MYO1H: variants seen among roughly 807,000 people sequenced by gnomAD.
MYO1H encodes the protein myosin IH.
Under a neutral mutation model 149.3 loss-of-function variants are expected in MYO1H, and 118 were observed. The observed-to-expected ratio is 0.79, with a 90% CI of 0.68 to 0.92. The LOEUF is 0.92. Ranked by LOEUF, MYO1H falls within the 40% of genes least tolerant of loss-of-function variation. MYO1H has a pLI of 0.00. For missense variants in MYO1H, 1,212 were observed against 1,280.7 expected (o/e 0.95, Z 0.82); for synonymous variants, 447 against 465.2 (o/e 0.96, Z 0.50).
chr12:109,372,127 T>C (rs1340189529), intron 1 of MYO1H, among the ~76,000 whole-genome samples: 2 of 152,188 alleles, frequency 1.3e-5, no homozygotes, highest in Non-Finnish European at 2.9e-5. Context: ...TAATGTTTTT[T>C]TCTAGGGAGA....
At chr12:109,318,960 GTTTT>G in the MYO1H span, among the ~76,000 whole-genome samples, 6 of 77,938 alleles carry the variant, frequency 7.7e-5, no homozygotes, top group East Asian at 2.3e-3. Context: ...AACTCTCTGC[GTTTT>G]TGGTTTTGTT....
At chr12:109,310,786 C>T in the MYO1H span, among the ~76,000 whole-genome samples, 1 of 152,152 alleles carries the variant, frequency 6.6e-6, no homozygotes, top group African/African-American at 2.4e-5. Context: ...TCTTCTCTGC[C>T]AGGAGTAAAT....
At position 109,443,262 on chromosome 12, in the gene MYO1H, GTA is replaced by G. The variant is rs34116861; in HGVS notation, c.2689-248_2689-247del. Reference sequence around the variant, plus strand: ...CGTATATGTGTGTGTATATGTGTACGTATATGTGTGTGTATATGTGTACGTAT... The same window carrying G: ...CGTATATGTGTGTGTATATGTGTACGTATGTGTGTGTATATGTGTACGTAT... On this transcript the variant is annotated intron_variant, in intron 27 of 31. Transcript: ENST00000310903. Among the ~76,000 whole-genome samples, 25 of 69,372 alleles carry G rather than the reference GTA, an allele frequency of 3.6e-4. 8 individuals are homozygous for G. Among genetic ancestry groups the G allele is most frequent in the South Asian group, 1.6e-3 (4 of 2,454 alleles). 45.5% of individuals were successfully genotyped at this position (69,372 alleles called of 152,430 possible). A position where few individuals can be genotyped will look rare whatever the true frequency, so the allele number is the denominator to read the frequency against.
chr12:109,414,772 AT>A (rs1223253153), intron 14 of MYO1H, among the ~76,000 whole-genome samples: 10 of 152,096 alleles, frequency 6.6e-5, no homozygotes, highest in African/African-American at 2.4e-4. Flanking sequence ...TAGTGGTATA[AT>A]TATAGCTCAC....
chr12:109,436,657 C>T (rs966901017), intron 22 of MYO1H, 101 bp downstream of exon 22: 2 of 768,308 alleles, frequency 2.6e-6, no homozygotes, highest in Admixed American at 4.6e-5. Context: ...TCCTTAAAAC[C>T]TTGTGTGGTG....
intron 5 of MYO1H, among the ~76,000 whole-genome samples, chr12:109,400,086 A>G (rs1338266098): frequency 6.6e-6 from 1 of 152,066 alleles, no homozygotes; most frequent in African/African-American, 2.4e-5. Context: ...CTTTCAATCA[A>G]CGTATCTGTC....
rs774018605 is a variant in MYO1H at position 109,444,450 on chromosome 12, TGTGGACACGTG to T, written c.2915_2925del (p.Cys972PhefsTer2). The stretch of plus-strand genomic sequence containing the variant: ...ACCCCAGGGGGATGCCGTTTTGCAG[TGTGGACACGTG>T]TTTGAAGCAGTTACTAAACTCGTCA... On this transcript the variant is annotated frameshift_variant, in exon 30 of 32. Transcript: ENST00000310903. LOFTEE classifies it high-confidence loss of function. The T allele has an allele frequency of 1.2e-5, 19 of 1,613,876 alleles. No individual in the cohort carries two copies. In the East Asian group the frequency reaches 3.8e-4, roughly 32 times the overall value.
the MYO1H span, among the ~76,000 whole-genome samples, chr12:109,315,227 AG>A: frequency 6.6e-6 from 1 of 152,218 alleles, no homozygotes; most frequent in Non-Finnish European, 1.5e-5. Context: ...ATCAAGGAAA[AG>A]CTGTCTTGCC....
At chr12:109,426,985 A>T (rs1389579371) in intron 18 of MYO1H, among the ~76,000 whole-genome samples, 1 of 152,132 alleles carries the variant, frequency 6.6e-6, no homozygotes, top group Non-Finnish European at 1.5e-5. Context: ...AGGAACCAGA[A>T]ATTTAATTTT....
the MYO1H span, among the ~76,000 whole-genome samples, chr12:109,323,229 C>T: frequency 5.9e-5 from 9 of 152,300 alleles, no homozygotes; most frequent in South Asian, 1.7e-3. Context: ...GGTTTTTATC[C>T]TAGATCTTTT....
At chr12:109,315,421 T>C in the MYO1H span, among the ~76,000 whole-genome samples, 1 of 152,236 alleles carries the variant, frequency 6.6e-6, no homozygotes, top group Non-Finnish European at 1.5e-5. Flanking sequence ...TTCTGTATTC[T>C]ATTTTCTTTG....
At chr12:109,446,246 T>C (rs1300779000) in intron 31 of MYO1H, 1 of 985,340 alleles carries the variant, frequency 1.0e-6, no homozygotes, top group African/African-American at 1.7e-5. Context: ...TCCCTGACTG[T>C]GCCCATGCTG....
chr12:109,446,182 G>T, intron 31 of MYO1H: 1 of 985,178 alleles, frequency 1.0e-6, no homozygotes, highest in Non-Finnish European at 1.2e-6. Flanking sequence ...AGAGGTTTGG[G>T]AACCATGGCT....
chr12:109,442,124 C>A, intron 26 of MYO1H, 93 bp from the exon 27 acceptor site: 1 of 1,029,158 alleles, frequency 9.7e-7, no homozygotes, highest in South Asian at 1.3e-5. Flanking sequence ...GATCTTAGCA[C>A]AGAGATGCAT....
At chr12:109,319,881 C>T in the MYO1H span, among the ~76,000 whole-genome samples, 2 of 152,156 alleles carry the variant, frequency 1.3e-5, no homozygotes, top group African/African-American at 4.8e-5. Context: ...AGCTTAGAAC[C>T]ACTGGCCTTA....
At chr12:109,424,856 T>C (rs1312501882) in intron 17 of MYO1H, 28 bp downstream of exon 17, 3 of 1,595,896 alleles carry the variant, frequency 1.9e-6, no homozygotes, top group Non-Finnish European at 2.6e-6. Flanking sequence ...CCATGCAAAA[T>C]TGGATCTCAC....
rs200552365 is a variant in MYO1H, at chr12:109,439,662, C to A, written c.2326C>A (p.Pro776Thr). 10 of 1,613,366 alleles carry A rather than the reference C, an allele frequency of 6.2e-6. No homozygotes were observed. The highest frequency in any genetic ancestry group is 8.5e-6 in the Non-Finnish European group (10 of 1,179,656). The change falls in exon 24 of 32, where the codon CCC becomes ACC. Residue 776 changes from proline (P) to threonine (T), a missense_variant. Coordinates refer to ENST00000310903, the Ensembl canonical transcript of MYO1H. ...TAAAGGATTCATCAGTCGCAACAAACCCCTCTGTCCTGACAACGAGGAATT... is the reference window on the plus strand; with the variant it reads ...TAAAGGATTCATCAGTCGCAACAAAACCCTCTGTCCTGACAACGAGGAATT...
the MYO1H span, among the ~76,000 whole-genome samples, chr12:109,316,099 G>A: frequency 8.1e-6 from 1 of 123,128 alleles, no homozygotes; most frequent in Non-Finnish European, 1.6e-5. Flanking sequence ...AAATAAGAGT[G>A]TTACATGAAA....
At chr12:109,417,494 A>AT (rs1370712147) in intron 15 of MYO1H, among the ~76,000 whole-genome samples, 3 of 151,492 alleles carry the variant, frequency 2.0e-5, no homozygotes, top group Non-Finnish European at 4.4e-5. Context: ...CACCTGGATA[A>AT]TTTTTTGCAT....
Sources: gnomAD v4.1 joint callset for allele counts (sites outside exome capture counted in the v4.1 genomes callset) on GRCh38, gnomAD v4.1.1 for gene constraint, MANE v1.5 for transcripts, NCBI Gene and HGNC (gene_info 2026-07-23, HGNC 2026-07-21) for gene names.